Variants in SLC25A21 observed in about 807,000 individuals in gnomAD.
SLC25A21 encodes the protein solute carrier family 25 member 21.
In SLC25A21, 47 loss-of-function variants were observed where a neutral mutation model predicts 43.8. The observed-to-expected ratio is 1.07, with a 90% CI of 0.85 to 1.37. The LOEUF (loss-of-function observed/expected upper bound fraction) is 1.37, where lower values mean the gene tolerates loss of function less well. SLC25A21 is among the 40% of genes most tolerant of loss of function. The pLI is 0.00. For missense variants in SLC25A21, 352 were observed against 350.2 expected (o/e 1.00, Z -0.04); for synonymous variants, 131 against 121.3 (o/e 1.08, Z -0.52).
chr14:36,854,939 G>GC (rs1357177254), intron 2 of SLC25A21, among the ~76,000 whole-genome samples: 1 of 151,088 alleles, frequency 6.6e-6, no homozygotes, highest in Non-Finnish European at 1.5e-5. Context: ...GAGGTGGGGG[G>GC]GGGTATTCTG....
chr14:36,924,539 G>C (rs554051674), intron 1 of SLC25A21, among the ~76,000 whole-genome samples: 2 of 152,064 alleles, frequency 1.3e-5, no homozygotes, highest in African/African-American at 4.8e-5. Flanking sequence ...GGTGGGGAGA[G>C]GGGGGAGGGA....
At chr14:36,710,894 A>C (rs1333024346) in intron 7 of SLC25A21, among the ~76,000 whole-genome samples, 3 of 152,070 alleles carry the variant, frequency 2.0e-5, no homozygotes. Flanking sequence ...TAGGCCAACA[A>C]TTTTTCCTTG....
intron 7 of SLC25A21, among the ~76,000 whole-genome samples, chr14:36,704,600 T>C (rs946821346): frequency 7.0e-6 from 1 of 142,974 alleles, no homozygotes; most frequent in Non-Finnish European, 1.5e-5. Context: ...GAGGTTGCAG[T>C]GAGCCAAGAT....
intron 1 of SLC25A21, among the ~76,000 whole-genome samples, chr14:36,892,697 A>T: frequency 6.7e-6 from 1 of 149,798 alleles, no homozygotes; most frequent in East Asian, 2.0e-4. Context: ...ATCCCTCCCC[A>T]CTCCCCCAAC....
In SLC25A21 at chr14:36,684,732, G is replaced by A. The variant is rs753867574; in HGVS notation, c.785+12C>T. 3.8e-6 allele frequency: 6 copies of A among 1,592,848 alleles called. No homozygotes were observed. In the East Asian group the frequency reaches 1.3e-4, roughly 36 times the overall value. ...CTCATACATTTATTAAAATAAGAATGTGTTATGTTACCCTTCTTCCTGATA... is the reference window on the plus strand; with the variant it reads ...CTCATACATTTATTAAAATAAGAATATGTTATGTTACCCTTCTTCCTGATA... On this transcript the variant is annotated intron_variant, in intron 8 of 9. Transcript: ENST00000331299.
chr14:37,114,867 T>C (rs1393266340), intron 1 of SLC25A21, among the ~76,000 whole-genome samples: 1 of 152,154 alleles, frequency 6.6e-6, no homozygotes, highest in Non-Finnish European at 1.5e-5. Flanking sequence ...TTTCTCCTTG[T>C]ATTCAAATCA....
chr14:37,003,744 C>T (rs1050718559), intron 1 of SLC25A21, among the ~76,000 whole-genome samples: 2 of 152,156 alleles, frequency 1.3e-5, no homozygotes, highest in East Asian at 3.9e-4. Context: ...GTTTCTCAGG[C>T]TTCTTAAATG....
intron 1 of SLC25A21, among the ~76,000 whole-genome samples, chr14:37,020,540 T>G (rs963152603): frequency 2.0e-5 from 3 of 151,736 alleles, no homozygotes; most frequent in African/African-American, 7.3e-5. Flanking sequence ...AAATATACAA[T>G]GTACTTGTTC....
intron 3 of SLC25A21, among the ~76,000 whole-genome samples, chr14:36,785,582 C>A (rs189491861): frequency 6.6e-6 from 1 of 152,178 alleles, no homozygotes; most frequent in Non-Finnish European, 1.5e-5. Context: ...TGATCATTGT[C>A]ATGTGGTTTA....
intron 1 of SLC25A21, among the ~76,000 whole-genome samples, chr14:37,154,896 C>A (rs369422301): frequency 6.6e-6 from 1 of 152,148 alleles, no homozygotes; most frequent in African/African-American, 2.4e-5. Context: ...CCCGCCTCAG[C>A]CTCCCAAAGT....
At chr14:36,710,283 G>A (rs188485701) in intron 7 of SLC25A21, among the ~76,000 whole-genome samples, 7 of 152,046 alleles carry the variant, frequency 4.6e-5, no homozygotes, top group Admixed American at 1.3e-4. Context: ...TGGTGCAGGA[G>A]AATTGCTTGA....
At chr14:36,723,271 G>A (rs1226944247) in intron 6 of SLC25A21, among the ~76,000 whole-genome samples, 1 of 152,072 alleles carries the variant, frequency 6.6e-6, no homozygotes, top group Non-Finnish European at 1.5e-5. Context: ...AAGCACCTAT[G>A]GCTTCAATTT....
At chr14:36,726,546 A>C (rs1884609115) in intron 5 of SLC25A21, among the ~76,000 whole-genome samples, 1 of 152,270 alleles carries the variant, frequency 6.6e-6, no homozygotes, top group African/African-American at 2.4e-5. Context: ...AAAACTTATC[A>C]AAAGGTGACT....
intron 2 of SLC25A21, among the ~76,000 whole-genome samples, chr14:36,860,399 T>C (rs1890033638): frequency 6.6e-6 from 1 of 152,220 alleles, no homozygotes. Flanking sequence ...GGAAATGCCC[T>C]CAGTTTCCAG....
chr14:36,999,712 T>C (rs1414538017), intron 1 of SLC25A21, among the ~76,000 whole-genome samples: 2 of 152,208 alleles, frequency 1.3e-5, no homozygotes, highest in Admixed American at 6.5e-5. Context: ...AAAGCCTAAT[T>C]ATTGCCTCAG....
chr14:37,128,482 A>G (rs1015762812), intron 1 of SLC25A21, among the ~76,000 whole-genome samples: 2 of 151,890 alleles, frequency 1.3e-5, no homozygotes, highest in Non-Finnish European at 2.9e-5. Flanking sequence ...ATACAAGTCA[A>G]TATGACCCAT....
At chr14:36,824,790 T>C (rs1888762495) in intron 2 of SLC25A21, among the ~76,000 whole-genome samples, 1 of 124,580 alleles carries the variant, frequency 8.0e-6, no homozygotes. Flanking sequence ...GTGAAGTTTA[T>C]CTCTGGAATC....
chr14:37,075,386 A>C (rs949054727), intron 1 of SLC25A21, among the ~76,000 whole-genome samples: 17 of 152,182 alleles, frequency 1.1e-4, no homozygotes, highest in African/African-American at 4.1e-4. Flanking sequence ...TCTACCTTTG[A>C]AACTTCATAT....
At chr14:36,847,141 A>G (rs780291821) in intron 2 of SLC25A21, among the ~76,000 whole-genome samples, 10 of 152,240 alleles carry the variant, frequency 6.6e-5, no homozygotes, top group Non-Finnish European at 1.0e-4. Context: ...TTTTAAAAAT[A>G]CAAAATATCT....
Sources: allele counts gnomAD v4.1 joint callset (sites outside exome capture counted in the v4.1 genomes callset), GRCh38; gene constraint gnomAD v4.1.1; transcripts MANE v1.5; gene names NCBI Gene and HGNC (gene_info 2026-07-23, HGNC 2026-07-21).